FAM53B: variants seen among roughly 807,000 people sequenced by gnomAD.
FAM53B encodes protein FAM53B.
Under a neutral mutation model 32.7 loss-of-function variants are expected in FAM53B, and 12 were observed. The observed-to-expected ratio is 0.37, with a 90% CI of 0.24 to 0.59. The LOEUF is 0.59. Among genes scored for constraint, FAM53B ranks in the 20% least tolerant of loss-of-function variants. The pLI is 0.72. For synonymous variants in FAM53B, 234 were observed against 228.7 expected, an observed-to-expected ratio of 1.02 and a Z score of -0.21; for missense variants, 477 against 577.7, an observed-to-expected ratio of 0.83 and a Z score of 1.79.
In FAM53B at chr10:124,620,045, T is replaced by G. The variant is rs1949296471; in HGVS notation, c.*3197A>C. ...AAGTTAGTTAGGGTTTGTTTTGTTT[T>G]CTTTTTAATGTGGACTTCCCCTTTA... On this transcript the variant is annotated 3_prime_UTR_variant, in exon 5 of 5. Coordinates refer to ENST00000337318, the MANE Select transcript of FAM53B (RefSeq NM_014661.4). 1 of 152,468 alleles carries G rather than the reference T, an allele frequency of 6.6e-6. No individual in the cohort carries two copies. The highest frequency in any genetic ancestry group is 2.1e-4 in the South Asian group (1 of 4,836). The allele number at this position is 152,468 out of a possible 1,614,324, so 9.4% of individuals were successfully genotyped here. A position where few individuals can be genotyped will look rare whatever the true frequency, so the allele number is the denominator to read the frequency against.
chr10:124,702,525 T>C (rs1056807188), intron 2 of FAM53B, among the ~76,000 whole-genome samples: 1 of 152,192 alleles, frequency 6.6e-6, no homozygotes, highest in Non-Finnish European at 1.5e-5. Flanking sequence ...TCCAAGGCGA[T>C]CACAGCCTCT....
rs1949313434 is a variant in FAM53B, at chr10:124,621,942, A to C, written c.*1300T>G. ...GCCAGATTCCCATAGAGCAGAGCCC[A>C]TGTGGTGGTGTCTGCAAGGCAGCCG... On this transcript the variant is annotated 3_prime_UTR_variant, in exon 5 of 5. Transcript: ENST00000337318. The C allele has an allele frequency of 6.6e-6, 1 of 152,472 alleles. No individual in the cohort carries two copies. Among genetic ancestry groups the C allele is most frequent in the Non-Finnish European group, 1.5e-5 (1 of 68,052 alleles). The allele number at this position is 152,472 out of a possible 1,614,324, so 9.4% of individuals were successfully genotyped here.
intron 3 of FAM53B, among the ~76,000 whole-genome samples, chr10:124,693,059 G>A (rs187273386): frequency 2.0e-5 from 3 of 152,296 alleles, no homozygotes; most frequent in African/African-American, 7.2e-5. Context: ...CAGGCTGGGG[G>A]TTGGTGATTA....
Position 124,729,052 on chromosome 10 carries a change from G to A in FAM53B, c.-175+14961C>T, listed in dbSNP as rs185003170. Among the ~76,000 whole-genome samples, 16 of 152,342 alleles carry A rather than the reference G, an allele frequency of 1.1e-4. No individual in the cohort carries two copies. The East Asian group carries it at 2.1e-3, about 20-fold the overall frequency. On this transcript the variant is annotated intron_variant, in intron 1 of 4. Transcript: ENST00000337318. ...CCAGCTGGCTGTGCAATGAGCAGAC[G>A]ATGAGAGAACATATGCAGAGTGCTT... is the stretch of plus-strand genomic sequence containing the variant.
chr10:124,697,659 G>A (rs186696940), intron 2 of FAM53B, among the ~76,000 whole-genome samples: 17 of 152,236 alleles, frequency 1.1e-4, no homozygotes, highest in African/African-American at 4.1e-4. Context: ...GATGTCCAGG[G>A]CAAGTGTGCT....
chr10:124,696,808 T>C (rs1949875714), intron 2 of FAM53B, among the ~76,000 whole-genome samples: 1 of 151,838 alleles, frequency 6.6e-6, no homozygotes, highest in Non-Finnish European at 1.5e-5. Context: ...AACTCAAGGG[T>C]TATATTTGGT....
intron 4 of FAM53B, 95 bp from the exon 5 acceptor site, chr10:124,623,699 T>C: frequency 7.1e-7 from 1 of 1,405,820 alleles, no homozygotes; most frequent in Non-Finnish European, 9.4e-7. Context: ...CACCAGGCTG[T>C]GGCAAGACCA....
chr10:124,697,007 G>A (rs1023330135), intron 2 of FAM53B, among the ~76,000 whole-genome samples: 1 of 152,112 alleles, frequency 6.6e-6, no homozygotes, highest in Non-Finnish European at 1.5e-5. Context: ...TTGCTCCATG[G>A]CTACACAGTA....
Position 124,681,890 on chromosome 10 carries a change from C to T in FAM53B, c.623G>A (p.Gly208Asp), listed in dbSNP as rs150498101. The change falls in exon 4 of 5, where the codon GGT becomes GAT. Residue 208 changes from glycine (G) to aspartate (D), a missense_variant. Transcript: ENST00000337318. Reference sequence around the variant, plus strand: ...GTGCAGGTCAGGGCTCCAGGTGTCACCTGCCTGTCCACACGGGGCTGAGCC... The same window carrying T: ...GTGCAGGTCAGGGCTCCAGGTGTCATCTGCCTGTCCACACGGGGCTGAGCC... ...VPGSAPCGQA[G>D]DTWSPDLHPV... 1.2e-6 allele frequency: 2 copies of T among 1,613,690 alleles called. No individual in the cohort carries two copies. The highest frequency in any genetic ancestry group is 1.3e-5 in the African/African-American group (1 of 74,954).
chr10:124,655,998 A>G (rs1949587087), intron 4 of FAM53B, among the ~76,000 whole-genome samples: 1 of 152,244 alleles, frequency 6.6e-6, no homozygotes, highest in Admixed American at 6.5e-5. Context: ...AACGGGATCC[A>G]TCCAGCAGCA....
intron 4 of FAM53B, among the ~76,000 whole-genome samples, chr10:124,677,178 T>A (rs1212618814): frequency 6.6e-6 from 1 of 152,202 alleles, no homozygotes; most frequent in East Asian, 1.9e-4. Flanking sequence ...GTGATCCATG[T>A]CTAAATGGCC....
At chr10:124,670,488 G>A (rs761955026) in intron 4 of FAM53B, among the ~76,000 whole-genome samples, 18 of 151,938 alleles carry the variant, frequency 1.2e-4, no homozygotes, top group Middle Eastern at 3.2e-3. Flanking sequence ...TGGCCCTGCC[G>A]ACATCTCAAG....
intron 2 of FAM53B, among the ~76,000 whole-genome samples, chr10:124,705,073 A>T (rs1296913795): frequency 1.3e-5 from 2 of 152,202 alleles, no homozygotes; most frequent in African/African-American, 2.4e-5. Context: ...CTGCCTCAGT[A>T]GTGCTGGGGA....
At chr10:124,700,100 C>A (rs913618095) in intron 2 of FAM53B, among the ~76,000 whole-genome samples, 2 of 152,224 alleles carry the variant, frequency 1.3e-5, no homozygotes, top group African/African-American at 4.8e-5. Flanking sequence ...GGCGGCCAGG[C>A]CAGAATGTCA....
intron 1 of FAM53B, among the ~76,000 whole-genome samples, chr10:124,743,799 C>A (rs567039157): frequency 2.0e-5 from 3 of 151,784 alleles, no homozygotes; most frequent in Admixed American, 1.3e-4. Context: ...CGAGACCGAG[C>A]GCCCGGAGAA....
intron 4 of FAM53B, among the ~76,000 whole-genome samples, chr10:124,681,247 T>TGCA: frequency 6.6e-6 from 1 of 152,246 alleles, no homozygotes; most frequent in South Asian, 2.1e-4. Flanking sequence ...GTATATCTCT[T>TGCA]GCAGCAGCTG....
intron 1 of FAM53B, among the ~76,000 whole-genome samples, chr10:124,734,721 G>A (rs533580656): frequency 6.6e-6 from 1 of 152,134 alleles, no homozygotes; most frequent in African/African-American, 2.4e-5. Flanking sequence ...CATACAAAGG[G>A]GTGTCCCTCA....
chr10:124,636,374 A>T (rs1335547140), intron 4 of FAM53B, among the ~76,000 whole-genome samples: 2 of 152,176 alleles, frequency 1.3e-5, no homozygotes, highest in South Asian at 4.1e-4. Flanking sequence ...TAATCACCAA[A>T]TTAAATCTGA....
chr10:124,658,034 C>A (rs1006368), intron 4 of FAM53B, among the ~76,000 whole-genome samples: 3 of 152,104 alleles, frequency 2.0e-5, no homozygotes, highest in Non-Finnish European at 4.4e-5. Flanking sequence ...ACCAAGACCA[C>A]GGAACTGGGT....
Sources: gnomAD v4.1 joint callset for allele counts (sites outside exome capture counted in the v4.1 genomes callset) on GRCh38, gnomAD v4.1.1 for gene constraint, MANE v1.5 for transcripts, NCBI Gene and HGNC (gene_info 2026-07-23, HGNC 2026-07-21) for gene names.